Variants in ATXN1 observed in about 807,000 individuals in gnomAD.
ATXN1 encodes ataxin 1, also known as ataxin-1.
ATXN1 carries 8 observed loss-of-function variants against 56.4 expected under a neutral mutation model. The ratio of observed to expected loss-of-function variants is 0.14; its 90% CI spans 0.08 to 0.26. The LOEUF is 0.26. Ranked by LOEUF, ATXN1 falls within the 10% of genes least tolerant of loss-of-function variation. The pLI is 1.00. For synonymous variants in ATXN1, 514 were observed against 494.6 expected, an observed-to-expected ratio of 1.04 and a Z score of -0.52; for missense variants, 987 against 1,106.5, an observed-to-expected ratio of 0.89 and a Z score of 1.53.
intron 5 of ATXN1, among the ~76,000 whole-genome samples, chr6:16,505,722 A>T (rs577973715): frequency 6.6e-6 from 1 of 152,340 alleles, no homozygotes; most frequent in South Asian, 2.1e-4. Context: ...TGAGGCTCCG[A>T]TAACAATAGC....
chr6:16,488,281 A>G (rs568991081), intron 5 of ATXN1, among the ~76,000 whole-genome samples: 1 of 152,214 alleles, frequency 6.6e-6, no homozygotes, highest in Non-Finnish European at 1.5e-5. Context: ...ACCCTCCCCC[A>G]AAAAGGACTG....
At chr6:16,651,575 T>C (rs1166502062) in intron 3 of ATXN1, among the ~76,000 whole-genome samples, 1 of 148,692 alleles carries the variant, frequency 6.7e-6, no homozygotes, top group Non-Finnish European at 1.5e-5. Context: ...CTCCAGCATA[T>C]GAGCTAGGGA....
At position 16,327,500 on chromosome 6, in the gene ATXN1, G is replaced by T; in HGVS notation, c.811C>A (p.His271Asn). Residue 271 changes from histidine (H) to asparagine (N), a missense_variant, in exon 7 of 8, where the codon CAC (histidine) becomes AAC (asparagine). Coordinates refer to ENST00000436367, the MANE Select transcript of ATXN1 (RefSeq NM_001128164.2). ...ASPPAIPVHL[H>N]PHQTMIPHTL... ...TGTGGGATCATCGTCTGGTGGGGGT[G>T]GAGGTGGACGGGGATGGCCGGAGGA... 1.2e-6 allele frequency: 2 copies of T among 1,613,068 alleles called. No homozygotes were observed. The highest frequency in any genetic ancestry group is 1.7e-6 in the Non-Finnish European group (2 of 1,179,842).
At chr6:16,492,467 A>C (rs59302766) in intron 5 of ATXN1, among the ~76,000 whole-genome samples, 2,006 of 151,984 alleles carry the variant, frequency 0.013, 19 homozygotes, top group African/African-American at 0.02. Context: ...TGCACACACA[A>C]AAAAAAATAA....
At chr6:16,750,671 TATA>T (rs1760683212) in intron 2 of ATXN1, among the ~76,000 whole-genome samples, 1 of 152,228 alleles carries the variant, frequency 6.6e-6, no homozygotes, top group African/African-American at 2.4e-5. Flanking sequence ...CCTAACATAT[TATA>T]AAAACCTAGG....
chr6:16,674,051 T>A (rs541017559), intron 2 of ATXN1, among the ~76,000 whole-genome samples: 16 of 151,904 alleles, frequency 1.1e-4, no homozygotes, highest in African/African-American at 2.7e-4. Context: ...CTAACGTGTT[T>A]TATATATATA....
intron 5 of ATXN1, among the ~76,000 whole-genome samples, chr6:16,494,343 T>C (rs1184284207): frequency 6.6e-6 from 1 of 152,236 alleles, no homozygotes; most frequent in Non-Finnish European, 1.5e-5. Context: ...CTGGCAGTCC[T>C]TGGATACCTA....
chr6:16,421,043 G>A (rs897733197), intron 6 of ATXN1, among the ~76,000 whole-genome samples: 6 of 152,302 alleles, frequency 3.9e-5, no homozygotes, highest in South Asian at 2.1e-4. Flanking sequence ...ACTGGCACTC[G>A]CCTTTGTGAT....
intron 3 of ATXN1, among the ~76,000 whole-genome samples, chr6:16,605,502 C>T (rs547207906): frequency 6.6e-6 from 1 of 152,300 alleles, no homozygotes; most frequent in East Asian, 1.9e-4. Context: ...CAGGGACACA[C>T]TCTCTTCTTT....
intron 7 of ATXN1, among the ~76,000 whole-genome samples, chr6:16,318,952 C>G (rs566417851): frequency 1.3e-5 from 2 of 152,142 alleles, no homozygotes; most frequent in African/African-American, 4.8e-5. Flanking sequence ...AAGGGTGGCT[C>G]ATCCCTGTAA....
At chr6:16,583,484 CT>C (rs1427298293) in intron 4 of ATXN1, among the ~76,000 whole-genome samples, 1 of 152,168 alleles carries the variant, frequency 6.6e-6, no homozygotes, top group Non-Finnish European at 1.5e-5. Context: ...GGGGGGGTCT[CT>C]TCATCTACCT....
chr6:16,571,350 A>G (rs193013808), intron 4 of ATXN1, among the ~76,000 whole-genome samples: 1 of 152,294 alleles, frequency 6.6e-6, no homozygotes, highest in Admixed American at 6.5e-5. Flanking sequence ...AAGGACATAA[A>G]AAGAGTCTTT....
chr6:16,436,826 C>T (rs147609204), intron 6 of ATXN1, among the ~76,000 whole-genome samples: 3 of 152,116 alleles, frequency 2.0e-5, no homozygotes, highest in Non-Finnish European at 4.4e-5. Flanking sequence ...GGTACAGGGT[C>T]TGGACTACAT....
chr6:16,489,898 T>C (rs547399101), intron 5 of ATXN1, among the ~76,000 whole-genome samples: 2 of 152,320 alleles, frequency 1.3e-5, no homozygotes, highest in South Asian at 4.1e-4. Flanking sequence ...GTAGAATTTC[T>C]GATTCAGTAG....
At chr6:16,667,650 G>A (rs1758454616) in intron 2 of ATXN1, 1 of 152,202 alleles carries the variant, frequency 6.6e-6, no homozygotes, top group South Asian at 2.1e-4. Context: ...TATGAAACAA[G>A]CTCTGCAAAA....
At chr6:16,573,785 C>A (rs894958114) in intron 4 of ATXN1, among the ~76,000 whole-genome samples, 1 of 152,154 alleles carries the variant, frequency 6.6e-6, no homozygotes, top group Non-Finnish European at 1.5e-5. Context: ...GTCCCTGCTG[C>A]CACTGTGCCT....
At chr6:16,662,114 A>G (rs1480983553) in intron 2 of ATXN1, among the ~76,000 whole-genome samples, 1 of 152,212 alleles carries the variant, frequency 6.6e-6, no homozygotes, top group Non-Finnish European at 1.5e-5. Context: ...AAGAAGTTAA[A>G]TCACCTGTTC....
chr6:16,710,701 C>A (rs1219711385), intron 2 of ATXN1, among the ~76,000 whole-genome samples: 4 of 152,134 alleles, frequency 2.6e-5, no homozygotes, highest in Non-Finnish European at 4.4e-5. Flanking sequence ...GATCCTCCCA[C>A]CTCAGCCTCA....
At chr6:16,491,963 C>T (rs1203504381) in intron 5 of ATXN1, among the ~76,000 whole-genome samples, 2 of 152,062 alleles carry the variant, frequency 1.3e-5, no homozygotes, top group Admixed American at 6.5e-5. Flanking sequence ...AGCAATGGAA[C>T]GGGACCTTGG....
Sources: gnomAD v4.1 joint callset for allele counts (sites outside exome capture counted in the v4.1 genomes callset) on GRCh38, gnomAD v4.1.1 for gene constraint, MANE v1.5 for transcripts, NCBI Gene and HGNC (gene_info 2026-07-23, HGNC 2026-07-21) for gene names.